The following ANGPT1 variants were observed in gnomAD, a reference collection of about 807,000 sequenced individuals.
ANGPT1 encodes the protein angiopoietin 1, also known as angiopoietin-1.
In ANGPT1, 17 loss-of-function variants were observed where a neutral mutation model predicts 62.2. The observed-to-expected ratio is 0.27, with a 90% CI of 0.19 to 0.41. The LOEUF (loss-of-function observed/expected upper bound fraction) is 0.41. ANGPT1 is among the 10% of genes least tolerant of loss of function. The probability of loss-of-function intolerance (pLI) is 1.00; values close to 1 mark genes in which losing one functional copy is unlikely to be tolerated. For synonymous variants in ANGPT1, 199 were observed against 198.9 expected (o/e 1.00, Z 0.00); for missense variants, 478 against 594.9 (o/e 0.80, Z 2.04).
At chr8:107,382,599 G>A (rs1033516701) in intron 1 of ANGPT1, among the ~76,000 whole-genome samples, 1 of 151,978 alleles carries the variant, frequency 6.6e-6, no homozygotes, top group Non-Finnish European at 1.5e-5. Flanking sequence ...TTCCCACACA[G>A]TAGACTTCAA....
intron 8 of ANGPT1, among the ~76,000 whole-genome samples, chr8:107,256,956 A>G (rs1412635471): frequency 6.6e-6 from 1 of 152,046 alleles, no homozygotes; most frequent in East Asian, 1.9e-4. Context: ...TCTCGGGTTC[A>G]AGCCATTCTC....
intron 1 of ANGPT1, among the ~76,000 whole-genome samples, chr8:107,390,266 G>C (rs1816809489): frequency 6.6e-6 from 1 of 152,156 alleles, no homozygotes; most frequent in Non-Finnish European, 1.5e-5. Context: ...TAAACTTGAA[G>C]TTTATGAAAC....
At chr8:107,483,139 A>G (rs1812729204) in intron 1 of ANGPT1, among the ~76,000 whole-genome samples, 2 of 152,208 alleles carry the variant, frequency 1.3e-5, no homozygotes, top group African/African-American at 4.8e-5. Flanking sequence ...ATTTCAAAAT[A>G]GTAGGATACT....
chr8:107,451,350 C>A (rs959276093), intron 1 of ANGPT1, among the ~76,000 whole-genome samples: 1 of 142,764 alleles, frequency 7.0e-6, no homozygotes, highest in Non-Finnish European at 1.6e-5. Flanking sequence ...CGTGTACGTG[C>A]ACATTTTATT....
intron 1 of ANGPT1, among the ~76,000 whole-genome samples, chr8:107,401,951 G>C (rs1466195439): frequency 6.6e-6 from 1 of 151,966 alleles, no homozygotes; most frequent in African/African-American, 2.4e-5. Context: ...TTATTATGTT[G>C]GATAAAATAA....
intron 3 of ANGPT1, among the ~76,000 whole-genome samples, chr8:107,334,634 T>C (rs886090130): frequency 2.0e-5 from 3 of 152,166 alleles, no homozygotes; most frequent in African/African-American, 7.2e-5. Flanking sequence ...GTTTTACTTA[T>C]CCATGATTCC....
chr8:107,351,180 C>A, intron 1 of ANGPT1, among the ~76,000 whole-genome samples: 1 of 151,852 alleles, frequency 6.6e-6, no homozygotes, highest in East Asian at 1.9e-4. Flanking sequence ...AAGTTATTGA[C>A]CAAAATGCTA....
intron 7 of ANGPT1, among the ~76,000 whole-genome samples, chr8:107,275,884 T>C (rs544499175): frequency 3.9e-5 from 6 of 152,266 alleles, no homozygotes; most frequent in African/African-American, 1.4e-4. Flanking sequence ...GTCTGAGTCT[T>C]AGCATTACCC....
intron 3 of ANGPT1, among the ~76,000 whole-genome samples, chr8:107,335,137 A>G (rs1815530154): frequency 6.6e-6 from 1 of 152,204 alleles, no homozygotes; most frequent in South Asian, 2.1e-4. Context: ...TGACACCTAA[A>G]TTACATTCCA....
intron 5 of ANGPT1, among the ~76,000 whole-genome samples, chr8:107,302,095 T>G (rs1437156856): frequency 6.6e-6 from 1 of 151,888 alleles, no homozygotes; most frequent in Non-Finnish European, 1.5e-5. Context: ...CACATATCTA[T>G]TGAGACCTAC....
chr8:107,485,189 G>A (rs1008829462), intron 1 of ANGPT1, among the ~76,000 whole-genome samples: 30 of 152,116 alleles, frequency 2.0e-4, no homozygotes, highest in African/African-American at 6.8e-4. Context: ...GTATCTACTG[G>A]GCACCTGCAA....
chr8:107,414,779 A>C (rs1810693852), intron 1 of ANGPT1, among the ~76,000 whole-genome samples: 1 of 152,296 alleles, frequency 6.6e-6, no homozygotes, highest in East Asian at 1.9e-4. Context: ...AATGAATGTA[A>C]ATCTTTAAAT....
intron 1 of ANGPT1, among the ~76,000 whole-genome samples, chr8:107,374,272 T>C (rs1816481580): frequency 6.6e-6 from 1 of 152,230 alleles, no homozygotes; most frequent in Non-Finnish European, 1.5e-5. Context: ...AATATAATGC[T>C]ATAGACTAGT....
intron 1 of ANGPT1, among the ~76,000 whole-genome samples, chr8:107,391,887 C>T (rs551971288): frequency 1.3e-5 from 2 of 152,186 alleles, no homozygotes; most frequent in South Asian, 4.1e-4. Context: ...TAATGCATTG[C>T]CCTATGATAT....
intron 1 of ANGPT1, among the ~76,000 whole-genome samples, chr8:107,397,744 T>C (rs1312423720): frequency 6.6e-6 from 1 of 152,114 alleles, no homozygotes; most frequent in Non-Finnish European, 1.5e-5. Context: ...CCATTTTTCT[T>C]ACCCCTTTTC....
Position 107,336,201 on chromosome 8 carries a change from T to C in ANGPT1, c.524A>G (p.Lys175Arg). 1.2e-6 allele frequency: 2 copies of C among 1,609,718 alleles called. No homozygotes were observed. Among genetic ancestry groups the C allele is most frequent in the Non-Finnish European group, 1.7e-6 (2 of 1,178,694 alleles). Reference sequence around the variant, plus strand: ...TTCATTTGTCTGTTGAAGAAGTTGCTTCTCTAGCTTGTAGGTGGATAATGA... The same window carrying C: ...TTCATTTGTCTGTTGAAGAAGTTGCCTCTCTAGCTTGTAGGTGGATAATGA... The part of the protein sequence containing the change: ...ENSLSTYKLE[K>R]QLLQQTNEIL... Residue 175 changes from lysine to arginine, a missense_variant, in exon 3 of 9, where the codon AAG becomes AGG. This residue lies in a region of ANGPT1 where 343 missense variants were observed against 355.4 expected (regional missense o/e 0.97). Coordinates refer to ENST00000517746, the MANE Select transcript of ANGPT1 (RefSeq NM_001146.5).
chr8:107,407,109 A>G (rs958340270), intron 1 of ANGPT1, among the ~76,000 whole-genome samples: 1 of 152,156 alleles, frequency 6.6e-6, no homozygotes, highest in Admixed American at 6.5e-5. Flanking sequence ...CTTCTCCACA[A>G]TGACGCTTCC....
chr8:107,471,272 A>C (rs574773470), intron 1 of ANGPT1, among the ~76,000 whole-genome samples: 1 of 152,212 alleles, frequency 6.6e-6, no homozygotes, highest in South Asian at 2.1e-4. Flanking sequence ...GGAAACCATC[A>C]TTCTCAGCTT....
intron 3 of ANGPT1, among the ~76,000 whole-genome samples, chr8:107,333,975 AGGG>A (rs1478323869): frequency 1.1e-5 from 1 of 90,266 alleles, no homozygotes; most frequent in African/African-American, 5.1e-5. Flanking sequence ...GAAAGAAAGG[AGGG>A]AGGGAGGGAG....
Sources: gnomAD v4.1 joint callset for allele counts (sites outside exome capture counted in the v4.1 genomes callset) on GRCh38, gnomAD v4.1.1 for gene constraint, gnomAD v4.1.1 regional missense constraint, MANE v1.5 for transcripts, NCBI Gene and HGNC (gene_info 2026-07-23, HGNC 2026-07-21) for gene names.